HEPHL1: variants seen among roughly 807,000 people sequenced by gnomAD.
The protein encoded by HEPHL1 is ferroxidase HEPHL1.
A neutral mutation model predicts 122.0 loss-of-function variants in HEPHL1; 123 were observed. That is an observed-to-expected ratio of 1.01 (90% CI 0.87 to 1.17). The LOEUF (loss-of-function observed/expected upper bound fraction) is 1.17. Ranked by LOEUF, HEPHL1 falls within the 50% of genes most tolerant of loss-of-function variation. The pLI, the probability that HEPHL1 is intolerant of heterozygous loss-of-function variation, is 0.00. For synonymous variants in HEPHL1, 527 were observed against 508.9 expected (o/e 1.04, Z -0.48); for missense variants, 1,452 against 1,430.5 (o/e 1.01, Z -0.24).
chr11:94,106,001 A>G lies in HEPHL1; in HGVS notation c.2916A>G (p.Gly972=). 6.4e-7 allele frequency: 1 copy of G among 1,574,098 alleles called. No homozygotes were observed. The highest frequency in any genetic ancestry group is 8.7e-7 in the Non-Finnish European group (1 of 1,155,760). The change falls in exon 17 of 20, where the codon GGA becomes GGG. Residue 972 remains glycine, a synonymous_variant. Coordinates refer to ENST00000315765, the MANE Select transcript of HEPHL1 (RefSeq NM_001098672.2). ...TATCACCTTTTAAAGCCATTAATGG[A>G]AAGATTTTTGGGAATCTCCATGGCC... ...EESNRMHAIN[G]KIFGNLHGLI...
At position 94,089,057 on chromosome 11, in the gene HEPHL1, G is replaced by C. The variant is rs1220410460; in HGVS notation, c.2294+89G>C. 3 of 1,193,970 alleles carry C rather than the reference G, an allele frequency of 2.5e-6. No homozygotes were observed. The African/African-American group carries it at 4.5e-5, about 18-fold the overall frequency. 74.0% of individuals were successfully genotyped at this position (1,193,970 alleles called of 1,614,324 possible). ...AAGTGTGGCTCCCTGCAAATTCCCAGGTTGTGTCTCCACAGTTCCGGCCGA... is the reference window on the plus strand; with the variant it reads ...AAGTGTGGCTCCCTGCAAATTCCCACGTTGTGTCTCCACAGTTCCGGCCGA... On this transcript the variant is annotated intron_variant, in intron 12 of 19. Coordinates refer to ENST00000315765, the MANE Select transcript of HEPHL1 (RefSeq NM_001098672.2).
At chr11:94,108,003 A>G (rs1946421982) in intron 17 of HEPHL1, among the ~76,000 whole-genome samples, 2 of 152,204 alleles carry the variant, frequency 1.3e-5, no homozygotes, top group African/African-American at 4.8e-5. Flanking sequence ...TGCATTTCCA[A>G]GGAAATATAC....
intron 18 of HEPHL1, among the ~76,000 whole-genome samples, chr11:94,111,324 T>C (rs900173433): frequency 2.6e-5 from 4 of 152,152 alleles, no homozygotes; most frequent in Admixed American, 2.6e-4. Context: ...GAGGCCATGA[T>C]GCTCCAGATA....
intron 1 of HEPHL1, among the ~76,000 whole-genome samples, chr11:94,025,701 G>A (rs1945618666): frequency 6.6e-6 from 1 of 152,170 alleles, no homozygotes; most frequent in Non-Finnish European, 1.5e-5. Context: ...CCTAGGATAG[G>A]TGTGAGAGAG....
intron 12 of HEPHL1, 75 bp from the exon 13 acceptor site, chr11:94,093,426 C>A: frequency 6.5e-7 from 1 of 1,545,360 alleles, no homozygotes; most frequent in Non-Finnish European, 8.9e-7. Flanking sequence ...TCCAGAATAC[C>A]CCTGAATCAC....
At chr11:94,101,436 G>T (rs1946366581) in intron 14 of HEPHL1, 101 bp downstream of exon 14, 1 of 1,182,722 alleles carries the variant, frequency 8.5e-7, no homozygotes, top group Admixed American at 2.5e-5. Context: ...TAATGTCAAT[G>T]TGTTTCAGCC....
At chr11:94,111,641 A>C in intron 19 of HEPHL1, 36 bp downstream of exon 19, 3 of 1,609,444 alleles carry the variant, frequency 1.9e-6, no homozygotes, top group Non-Finnish European at 2.5e-6. Context: ...ATGAGTCAAC[A>C]TTTCACCCCT....
chr11:94,103,273 C>CAAAAAA (rs755716566), intron 15 of HEPHL1, among the ~76,000 whole-genome samples: 1 of 44,272 alleles, frequency 2.3e-5, no homozygotes, highest in Non-Finnish European at 4.6e-5. Context: ...TTTTTTTTCC[C>CAAAAAA]AAAAAAAAAA....
In HEPHL1 at chr11:94,067,509, C is replaced by A; in HGVS notation, c.822C>A (p.Tyr274Ter). Reference protein sequence around the residue: ...RSNKMHALNGYLFGNFPEPDM... With the variant: ...RSNKMHALNG ...TTCTGTTTCCAGCCCTCAATGGATA[C>A]CTCTTCGGAAACTTCCCGGAGCCTG... Residue 274 changes from tyrosine (Y) to a stop codon, truncating the protein, a stop_gained, in exon 5 of 20, where the codon TAC becomes TAA. Transcript: ENST00000315765. LOFTEE classifies it high-confidence loss of function. 6.2e-7 allele frequency: 1 copy of A among 1,613,488 alleles called. No individual in the cohort carries two copies. Among genetic ancestry groups the A allele is most frequent in the Non-Finnish European group, 8.5e-7 (1 of 1,179,534 alleles).
intron 13 of HEPHL1, among the ~76,000 whole-genome samples, chr11:94,094,202 A>G (rs1189843044): frequency 1.3e-5 from 2 of 150,890 alleles, no homozygotes; most frequent in African/African-American, 2.4e-5. Context: ...CCTGTGTCCA[A>G]ATGTTCTCAT....
chr11:94,093,971 G>GATAGATAGATAT (rs71036310), intron 13 of HEPHL1, among the ~76,000 whole-genome samples: 15 of 72,754 alleles, frequency 2.1e-4, no homozygotes, highest in African/African-American at 3.0e-4. Context: ...TCCTCCAGCA[G>GATAGATAGATAT]ATATATATAT....
chr11:94,098,259 T>C (rs560567376), intron 13 of HEPHL1, among the ~76,000 whole-genome samples: 90 of 152,096 alleles, frequency 5.9e-4, no homozygotes, highest in Non-Finnish European at 6.9e-4. Flanking sequence ...GGATTTTATT[T>C]CTCCACTTAT....
intron 12 of HEPHL1, 45 bp from the exon 13 acceptor site, chr11:94,093,456 T>C: frequency 6.2e-7 from 1 of 1,610,110 alleles, no homozygotes; most frequent in South Asian, 1.1e-5. Flanking sequence ...CTCAAAGCTT[T>C]TCTGCTTTCT....
At chr11:94,104,396 A>C in intron 15 of HEPHL1, 132 bp from the exon 16 acceptor site, 2 of 650,950 alleles carry the variant, frequency 3.1e-6, no homozygotes, top group East Asian at 2.7e-5. Flanking sequence ...GGGGTGAATC[A>C]GAGCTGAGAG....
rs1161232610 is a variant in HEPHL1, at chr11:94,086,247, T to TA, written c.2080+59dup. 2.7e-5 allele frequency: 35 copies of TA among 1,293,742 alleles called. No homozygotes were observed. In the Admixed American group the frequency reaches 6.7e-4, roughly 25 times the overall value. The allele number at this position is 1,293,742 out of a possible 1,614,324, so 80.1% of individuals were successfully genotyped here. On this transcript the variant is annotated intron_variant, in intron 11 of 19. Transcript: ENST00000315765. Reference sequence around the variant, plus strand: ...ATTTCTACCTTCAGGCTCATCCTCTTAGAGTTCTCCCACAGAAGAAATTGG... The same window carrying TA: ...ATTTCTACCTTCAGGCTCATCCTCTTAAGAGTTCTCCCACAGAAGAAATTGG...
At chr11:94,036,600 A>C (rs942849442) in intron 1 of HEPHL1, among the ~76,000 whole-genome samples, 3 of 152,034 alleles carry the variant, frequency 2.0e-5, no homozygotes, top group African/African-American at 7.2e-5. Flanking sequence ...ATCTGGAATG[A>C]ACAAAACTGC....
rs556617290 is a variant in HEPHL1, at chr11:94,102,862, C to T, written c.2576-52C>T. ...CCTGCTTATATTTCTTCAGATAAAT[C>T]ATCTGAAACACAGATAATTCTAATA... On this transcript the variant is annotated intron_variant, in intron 14 of 19. Coordinates refer to ENST00000315765, the MANE Select transcript of HEPHL1 (RefSeq NM_001098672.2). 224 of 888,432 alleles carry T rather than the reference C, an allele frequency of 2.5e-4. 4 individuals are homozygous for T. In the South Asian group the frequency reaches 3.0e-3, roughly 12 times the overall value. 55.0% of individuals were successfully genotyped at this position (888,432 alleles called of 1,614,324 possible).
intron 12 of HEPHL1, among the ~76,000 whole-genome samples, chr11:94,090,817 C>A (rs1946259221): frequency 6.6e-6 from 1 of 152,120 alleles, no homozygotes; most frequent in African/African-American, 2.4e-5. Context: ...TGGGTACAGG[C>A]TATCCCTGAG....
Position 94,070,577 on chromosome 11 carries a change from G to T in HEPHL1, c.1232+35G>T, listed in dbSNP as rs745836182. ...CTTTGTTGGTGTTTCTAAGCCTCTCGTCAGAGAAGCATGTGTTAGGCTTTC... is the reference window on the plus strand; with the variant it reads ...CTTTGTTGGTGTTTCTAAGCCTCTCTTCAGAGAAGCATGTGTTAGGCTTTC... On this transcript the variant is annotated intron_variant, in intron 6 of 19. Transcript: ENST00000315765. 9 of 1,540,028 alleles carry T rather than the reference G, an allele frequency of 5.8e-6. 1 individual carries two copies. Among genetic ancestry groups the T allele is most frequent in the South Asian group, 5.8e-5 (5 of 85,604 alleles).
Sources: allele counts gnomAD v4.1 joint callset (sites outside exome capture counted in the v4.1 genomes callset), GRCh38; gene constraint gnomAD v4.1.1; transcripts MANE v1.5; gene names NCBI Gene and HGNC (gene_info 2026-07-23, HGNC 2026-07-21).